Variants in RHOBTB3 observed in about 807,000 individuals in gnomAD.
RHOBTB3 encodes the protein rho-related BTB domain-containing protein 3.
RHOBTB3 carries 47 observed loss-of-function variants against 67.2 expected under a neutral mutation model. The observed-to-expected ratio is 0.70, with a 90% CI of 0.55 to 0.89. RHOBTB3 has a LOEUF of 0.89. Among genes scored for constraint, RHOBTB3 ranks in the 40% least tolerant of loss-of-function variants. RHOBTB3 has a pLI of 0.00. For synonymous variants in RHOBTB3, 273 were observed against 274.2 expected, an observed-to-expected ratio of 1.00 and a Z score of 0.04; for missense variants, 631 against 750.0, an observed-to-expected ratio of 0.84 and a Z score of 1.85.
chr5:95,788,192 G>A (rs1488485326), intron 10 of RHOBTB3, among the ~76,000 whole-genome samples: 4 of 152,212 alleles, frequency 2.6e-5, no homozygotes, highest in African/African-American at 9.7e-5. Flanking sequence ...CCCTCCATTA[G>A]CAGCTATTGG....
intron 3 of RHOBTB3, among the ~76,000 whole-genome samples, chr5:95,746,117 A>G (rs1744907587): frequency 6.6e-6 from 1 of 152,170 alleles, no homozygotes; most frequent in Non-Finnish European, 1.5e-5. Context: ...CTTCAGTGAC[A>G]TAGAAGAGAT....
chr5:95,742,604 T>C (rs1327437921), intron 3 of RHOBTB3, among the ~76,000 whole-genome samples: 1 of 152,348 alleles, frequency 6.6e-6, no homozygotes, highest in East Asian at 1.9e-4. Flanking sequence ...TTCTTTGTGT[T>C]GCATTATGGG....
At chr5:95,745,658 TAGAC>T (rs1055841956) in intron 3 of RHOBTB3, among the ~76,000 whole-genome samples, 2 of 151,974 alleles carry the variant, frequency 1.3e-5, no homozygotes, top group Admixed American at 1.3e-4. Context: ...TAAAAAAAAA[TAGAC>T]AGCATTTTAT....
At chr5:95,779,424 G>A (rs970123541) in intron 8 of RHOBTB3, among the ~76,000 whole-genome samples, 13 of 152,314 alleles carry the variant, frequency 8.5e-5, no homozygotes, top group Admixed American at 7.2e-4. Context: ...GTGTGTATTC[G>A]TGGTTTTCTA....
At chr5:95,767,755 A>G in intron 7 of RHOBTB3, 1 of 690,698 alleles carries the variant, frequency 1.4e-6, no homozygotes, top group Non-Finnish European at 2.7e-6. Context: ...TTTCTCAACA[A>G]AGACTCATAG....
chr5:95,736,119 A>G (rs1755449567), intron 2 of RHOBTB3, among the ~76,000 whole-genome samples: 1 of 152,242 alleles, frequency 6.6e-6, no homozygotes, highest in Admixed American at 6.5e-5. Context: ...TTTAAGGAAT[A>G]GTGTTTGTAA....
chr5:95,732,116 T>C, intron 2 of RHOBTB3, 32 bp downstream of exon 2: 1 of 1,597,248 alleles, frequency 6.3e-7, no homozygotes, highest in Non-Finnish European at 8.6e-7. Context: ...GCGCTGAGGC[T>C]GAAGAAGCTT....
intron 6 of RHOBTB3, among the ~76,000 whole-genome samples, chr5:95,761,600 G>A (rs1745398634): frequency 6.6e-6 from 1 of 152,116 alleles, no homozygotes; most frequent in Non-Finnish European, 1.5e-5. Context: ...GAAAGCAGTG[G>A]CCGTCAGCAG....
At chr5:95,759,793 T>C (rs950533231) in intron 6 of RHOBTB3, among the ~76,000 whole-genome samples, 1 of 152,218 alleles carries the variant, frequency 6.6e-6, no homozygotes, top group African/African-American at 2.4e-5. Context: ...CCTTGGGTTA[T>C]GCTAGAGAAC....
chr5:95,785,593 C>CA (rs1370364820), intron 10 of RHOBTB3, among the ~76,000 whole-genome samples: 2,771 of 112,564 alleles, frequency 0.025, 75 homozygotes, highest in African/African-American at 0.076. Flanking sequence ...GACTCCGTCT[C>CA]AAAAAAAAAA....
chr5:95,778,432 C>T (rs1358667149), intron 8 of RHOBTB3, among the ~76,000 whole-genome samples: 5 of 150,276 alleles, frequency 3.3e-5, no homozygotes, highest in Non-Finnish European at 7.4e-5. Flanking sequence ...TTTCCACTCT[C>T]TGTTGGTTCG....
At chr5:95,742,253 T>C (rs1196061621) in intron 3 of RHOBTB3, among the ~76,000 whole-genome samples, 1 of 152,240 alleles carries the variant, frequency 6.6e-6, no homozygotes, top group Non-Finnish European at 1.5e-5. Context: ...TTATGGGCAC[T>C]GATGCCCTTA....
At chr5:95,757,666 G>C (rs1226336775) in intron 6 of RHOBTB3, among the ~76,000 whole-genome samples, 7 of 152,228 alleles carry the variant, frequency 4.6e-5, no homozygotes, top group Non-Finnish European at 8.8e-5. Context: ...GCAGCACGCA[G>C]ATTTATGTGG....
chr5:95,793,492 A>T lies in RHOBTB3; in HGVS notation c.*318A>T, dbSNP rs2112846018. On this transcript the variant is annotated 3_prime_UTR_variant, in exon 12 of 12. Transcript: ENST00000379982. ...TTAAGAAATGCTTAGATTAAAAAAA[A>T]AAAATTACGTAGGATTAATACAGAA... 5.4e-6 allele frequency: 1 copy of T among 185,950 alleles called. No individual in the cohort carries two copies. The highest frequency in any genetic ancestry group is 2.2e-3 in the Middle Eastern group (1 of 452). The allele number at this position is 185,950 out of a possible 1,614,324, so 11.5% of individuals were successfully genotyped here. A position where few individuals can be genotyped will look rare whatever the true frequency, so the allele number is the denominator to read the frequency against.
intron 7 of RHOBTB3, chr5:95,767,619 C>T (rs1418988951): frequency 2.8e-5 from 15 of 533,188 alleles, no homozygotes. Flanking sequence ...GCATGAGCCA[C>T]TGCACCTGGC....
chr5:95,760,105 T>C (rs1456217566), intron 6 of RHOBTB3, among the ~76,000 whole-genome samples: 1 of 152,232 alleles, frequency 6.6e-6, no homozygotes, highest in Non-Finnish European at 1.5e-5. Flanking sequence ...ACAGTCCGGT[T>C]AACATTTTAC....
At chr5:95,720,554 T>G (rs2112745250) in intron 1 of RHOBTB3, among the ~76,000 whole-genome samples, 1 of 152,350 alleles carries the variant, frequency 6.6e-6, no homozygotes. Flanking sequence ...AGTAACAGAC[T>G]GTTCCATTTC....
At chr5:95,743,272 T>C (rs1173384094) in intron 3 of RHOBTB3, among the ~76,000 whole-genome samples, 2 of 152,198 alleles carry the variant, frequency 1.3e-5, no homozygotes, top group African/African-American at 4.8e-5. Context: ...CAGTTGACTT[T>C]CCTTGTTGGA....
chr5:95,766,545 C>T (rs1294584838), intron 7 of RHOBTB3, among the ~76,000 whole-genome samples: 1 of 150,232 alleles, frequency 6.7e-6, no homozygotes, highest in African/African-American at 2.5e-5. Flanking sequence ...GTAACACTAC[C>T]TGAAAATATT....
Sources: allele counts gnomAD v4.1 joint callset (sites outside exome capture counted in the v4.1 genomes callset), GRCh38; gene constraint gnomAD v4.1.1; transcripts MANE v1.5; gene names NCBI Gene and HGNC (gene_info 2026-07-23, HGNC 2026-07-21).